The following ESPNL variants were observed in gnomAD, a reference collection of about 807,000 sequenced individuals.
ESPNL encodes espin like.
In ESPNL, 49 loss-of-function variants were observed where a neutral mutation model predicts 46.8. That is an observed-to-expected ratio of 1.05 (90% confidence interval 0.83 to 1.33). The LOEUF (loss-of-function observed/expected upper bound fraction) is 1.33. Among genes scored for constraint, ESPNL ranks in the 40% most tolerant of loss-of-function variants. ESPNL has a pLI of 0.00. For missense variants in ESPNL, 1,540 were observed against 1,436.6 expected (o/e 1.07, Z -1.16); for synonymous variants, 664 against 662.1 (o/e 1.00, Z -0.04).
At position 238,100,605 on chromosome 2, in the gene ESPNL, C is replaced by A; in HGVS notation, c.186C>A (p.Pro62=). 1 of 1,508,316 alleles carries A rather than the reference C, an allele frequency of 6.6e-7. No homozygotes were observed. The highest frequency in any genetic ancestry group is 8.8e-7 in the Non-Finnish European group (1 of 1,132,526). 93.4% of individuals were successfully genotyped at this position (1,508,316 alleles called of 1,614,324 possible). A position where few individuals can be genotyped will look rare whatever the true frequency, so the allele number is the denominator to read the frequency against. ...VKFLVQRAQL[P]GNQRAHNGAT... ...TCTTGGTGCAGCGGGCCCAGCTGCC[C>A]GGCAACCAGCGGGCCCACAACGGGG... is the stretch of plus-strand genomic sequence containing the variant. The change falls in exon 1 of 9, where the codon CCC becomes CCA. Residue 62 remains proline (P), a synonymous_variant. Coordinates refer to ENST00000343063, the MANE Select transcript of ESPNL (RefSeq NM_194312.4).
chr2:238,109,921 C>T (rs55686932), intron 4 of ESPNL, among the ~76,000 whole-genome samples: 13 of 136,614 alleles, frequency 9.5e-5, no homozygotes, highest in Admixed American at 1.5e-4. Context: ...GGATGCCACA[C>T]GTTACCGAGG....
chr2:238,129,108 G>A, intron 8 of ESPNL: 1 of 1,417,272 alleles, frequency 7.1e-7, no homozygotes, highest in Admixed American at 2.9e-5. Context: ...ACCTGCTCTG[G>A]AGGCATGGGT....
rs1442826132 is a variant in ESPNL at position 238,130,664 on chromosome 2, G to A, written c.1950G>A (p.Val650=). 3 of 1,561,842 alleles carry A rather than the reference G, an allele frequency of 1.9e-6. No individual in the cohort carries two copies. The highest frequency in any genetic ancestry group is 2.6e-6 in the Non-Finnish European group (3 of 1,153,468). The part of the protein sequence containing the change: ...EAQRQIQEWG[V]SVRTLRGNFE... ...AGCGCCAGATCCAGGAGTGGGGGGT[G>A]TCTGTGCGGACGCTGCGGGGCAACT... The change falls in exon 9 of 9, where the codon GTG becomes GTA. Residue 650 remains valine (V), a synonymous_variant. Transcript: ENST00000343063.
chr2:238,105,554 A>G (rs1256648523), intron 3 of ESPNL, among the ~76,000 whole-genome samples: 1 of 144,054 alleles, frequency 6.9e-6, no homozygotes, highest in African/African-American at 2.5e-5. Flanking sequence ...GCCCTCTTTG[A>G]GGAGGGGACT....
In ESPNL at chr2:238,131,161, C is replaced by A; in HGVS notation, c.2447C>A (p.Ala816Asp). Residue 816 changes from alanine (A) to aspartate (D), a missense_variant, in exon 9 of 9, where the codon GCT (alanine) becomes GAT (aspartate). Physicochemically the swap from Ala to Asp is moderately radical, Grantham distance 126. Transcript: ENST00000343063. ...HLLGNWKAIMAHVPARQLRRL... is the reference protein window; with the variant it reads ...HLLGNWKAIMDHVPARQLRRL... ...CTGGGCAACTGGAAGGCCATCATGG[C>A]TCACGTGCCCGCCCGGCAGCTGCGG... The A allele has an allele frequency of 6.5e-7, 1 of 1,546,012 alleles. No homozygotes were observed.
At position 238,117,006 on chromosome 2, in the gene ESPNL, C is replaced by G; in HGVS notation, c.959C>G (p.Ala320Gly). 6.2e-7 allele frequency: 1 copy of G among 1,612,000 alleles called. No individual in the cohort carries two copies. The highest frequency in any genetic ancestry group is 1.3e-5 in the African/African-American group (1 of 75,052). The part of the protein sequence containing the change: ...LAEYHGHRDC[A>G]QYLREVAQPV... Reference sequence around the variant, plus strand: ...GAGTACCATGGACACCGGGACTGCGCCCAGTACCTGCGGGAGGTGGCCCAG... The same window carrying G: ...GAGTACCATGGACACCGGGACTGCGGCCAGTACCTGCGGGAGGTGGCCCAG... The change falls in exon 5 of 9, where the codon GCC (alanine) becomes GGC (glycine). Residue 320 changes from alanine (A) to glycine (G), a missense_variant. Coordinates refer to ENST00000343063, the MANE Select transcript of ESPNL (RefSeq NM_194312.4).
At chr2:238,119,224 A>AGGAAGGTGGAT (rs1691917588) in intron 5 of ESPNL, among the ~76,000 whole-genome samples, 3 of 102,638 alleles carry the variant, frequency 2.9e-5, no homozygotes, top group Non-Finnish European at 5.8e-5. Context: ...GGAGGGTGGA[A>AGGAAGGTGGAT]GGAAGAGGGT....
At chr2:238,117,139 C>A in intron 5 of ESPNL, 105 bp downstream of exon 5, 1 of 1,406,270 alleles carries the variant, frequency 7.1e-7, no homozygotes, top group Non-Finnish European at 9.5e-7. Context: ...GGGAAGCTCA[C>A]CATGTCCAAC....
Position 238,102,130 on chromosome 2 carries a change from A to G in ESPNL, c.484A>G (p.Ser162Gly), listed in dbSNP as rs1358314560. The G allele has an allele frequency of 2.6e-6, 4 of 1,535,158 alleles. No homozygotes were observed. The highest frequency in any genetic ancestry group is 2.7e-5 in the African/African-American group (2 of 72,822). The change falls in exon 2 of 9, where the codon AGC (serine) becomes GGC (glycine). Residue 162 changes from serine to glycine, a missense_variant and splice_region_variant. Transcript: ENST00000343063. ...CLKLLTAAHG[S>G]SVNRRTRSGA... Reference sequence around the variant, plus strand: ...CAAGCTCCTGACAGCCGCGCATGGCAGGTAAGGAGCCCAAAGTCCCGCCTG... The same window carrying G: ...CAAGCTCCTGACAGCCGCGCATGGCGGGTAAGGAGCCCAAAGTCCCGCCTG...
intron 6 of ESPNL, among the ~76,000 whole-genome samples, chr2:238,126,480 TTGTG>T (rs954770350): frequency 1.3e-5 from 2 of 151,486 alleles, no homozygotes; most frequent in African/African-American, 4.9e-5. Context: ...ATCTGTGTGA[TTGTG>T]TGTCTGTTCT....
rs1248032494 is a variant in ESPNL, at chr2:238,104,859, G to A, written c.672+17G>A. ...GTCTGGCTGGTAAGTGGGTGCCAGA[G>A]GTGGGAAGGGGACATCCAGGGAGTG... is the stretch of plus-strand genomic sequence containing the variant. On this transcript the variant is annotated intron_variant, in intron 3 of 8. Coordinates refer to ENST00000343063, the MANE Select transcript of ESPNL (RefSeq NM_194312.4). The A allele has an allele frequency of 4.8e-6, 7 of 1,465,430 alleles. No homozygotes were observed. Among genetic ancestry groups the A allele is most frequent in the Non-Finnish European group, 6.3e-6 (7 of 1,104,312 alleles). The allele number at this position is 1,465,430 out of a possible 1,614,324, so 90.8% of individuals were successfully genotyped here.
intron 7 of ESPNL, 35 bp from the exon 8 acceptor site, chr2:238,128,672 C>A: frequency 1.3e-6 from 2 of 1,559,998 alleles, no homozygotes; most frequent in Non-Finnish European, 1.7e-6. Context: ...CCTGGGTCCC[C>A]TTCGGGCCTG....
At chr2:238,117,109 A>G (rs981184804) in intron 5 of ESPNL, 75 bp downstream of exon 5, 30 of 1,504,312 alleles carry the variant, frequency 2.0e-5, no homozygotes, top group Non-Finnish European at 2.5e-5. Flanking sequence ...CCCACTGCTG[A>G]ACCTGCAGCA....
intron 5 of ESPNL, among the ~76,000 whole-genome samples, chr2:238,119,774 C>T (rs1407048520): frequency 1.3e-5 from 2 of 152,060 alleles, no homozygotes; most frequent in African/African-American, 2.4e-5. Context: ...CATCGCCCTC[C>T]ACCCCCCAAA....
chr2:238,119,781 C>T (rs979666418), intron 5 of ESPNL, among the ~76,000 whole-genome samples: 2 of 152,118 alleles, frequency 1.3e-5, no homozygotes, highest in African/African-American at 2.4e-5. Context: ...CTCCACCCCC[C>T]AAACCCTTTG....
At chr2:238,115,510 C>T (rs1691796443) in intron 4 of ESPNL, among the ~76,000 whole-genome samples, 1 of 152,246 alleles carries the variant, frequency 6.6e-6, no homozygotes, top group African/African-American at 2.4e-5. Flanking sequence ...CTGCCAGGCC[C>T]CCTGCCACAC....
At chr2:238,101,507 G>A (rs1691478385) in intron 1 of ESPNL, among the ~76,000 whole-genome samples, 1 of 152,162 alleles carries the variant, frequency 6.6e-6, no homozygotes, top group South Asian at 2.1e-4. Context: ...CTGGACCCCT[G>A]ACACCTGTGG....
intron 5 of ESPNL, among the ~76,000 whole-genome samples, chr2:238,118,697 A>T (rs1181293048): frequency 1.1e-5 from 1 of 89,430 alleles, no homozygotes; most frequent in African/African-American, 4.9e-5. Context: ...AGGAGGGTGG[A>T]TAGAGGAGGA....
intron 3 of ESPNL, among the ~76,000 whole-genome samples, chr2:238,106,289 T>G (rs1691597428): frequency 6.6e-6 from 1 of 152,190 alleles, no homozygotes; most frequent in African/African-American, 2.4e-5. Flanking sequence ...TGGCGCCTGC[T>G]GCTCACCATG....
Sources: allele counts gnomAD v4.1 joint callset (sites outside exome capture counted in the v4.1 genomes callset), GRCh38; gene constraint gnomAD v4.1.1; transcripts MANE v1.5; gene names NCBI Gene and HGNC (gene_info 2026-07-23, HGNC 2026-07-21).